The following COL6A5 variants were observed in gnomAD, a reference collection of about 807,000 sequenced individuals.
COL6A5 encodes the protein collagen alpha-5(VI) chain.
Under a neutral mutation model 65.6 loss-of-function variants are expected in COL6A5, and 48 were observed. The ratio of observed to expected loss-of-function variants is 0.73; its 90% confidence interval spans 0.58 to 0.93. The LOEUF is 0.93. COL6A5 is among the 40% of genes least tolerant of loss of function. COL6A5 has a pLI of 0.00. For missense variants in COL6A5, 914 were observed against 928.3 expected (o/e 0.98, Z 0.20); for synonymous variants, 291 against 322.8 (o/e 0.90, Z 1.05).
At chr3:130,409,454 C>A in intron 18 of COL6A5, 66 bp downstream of exon 18, 1 of 1,358,458 alleles carries the variant, frequency 7.4e-7, no homozygotes, top group South Asian at 1.4e-5. Flanking sequence ...TCTCCTTTCC[C>A]TTTGTGTTTC....
chr3:130,389,116 C>G (rs754846909), exon 6 of COL6A5: 1 of 1,437,378 alleles, frequency 7.0e-7, no homozygotes, highest in Admixed American at 2.8e-5. Context: ...ACTTATCTTT[C>G]GTGTGTGTGC....
rs149697263 is a variant in COL6A5 at position 130,352,513 on chromosome 3, A to G, written c.-29+6532A>G. On this transcript the variant is annotated intron_variant and NMD_transcript_variant, in intron 1 of 41. Coordinates refer to the COL6A5 transcript ENST00000312481. ...GATTTTAAAGCAGTTTACATAAATA[A>G]TTATATTTCAACCCCACAGTAACCT... Among the ~76,000 whole-genome samples the G allele has an allele frequency of 2.0e-5, 3 of 152,258 alleles. No homozygotes were observed. The East Asian group carries it at 5.8e-4, about 29-fold the overall frequency.
At chr3:130,421,004 A>C (rs1937507156) in intron 25 of COL6A5, 149 bp from the exon 26 acceptor site, 3 of 663,832 alleles carry the variant, frequency 4.5e-6, no homozygotes, top group Non-Finnish European at 7.9e-6. Context: ...ACACAGCAAC[A>C]CAATGTTCCC....
intron 1 of COL6A5, among the ~76,000 whole-genome samples, chr3:130,353,809 G>A (rs762572138): frequency 2.0e-5 from 3 of 151,690 alleles, no homozygotes; most frequent in Non-Finnish European, 4.4e-5. Context: ...AAGATGCACC[G>A]CCAATTTAAA....
intron 3 of COL6A5, among the ~76,000 whole-genome samples, chr3:130,377,751 G>A (rs1366057605): frequency 1.3e-5 from 2 of 152,098 alleles, no homozygotes; most frequent in East Asian, 3.9e-4. Context: ...TGTAAAGTGA[G>A]GATAATAGTG....
At chr3:130,375,299 T>G (rs977013241) in intron 2 of COL6A5, among the ~76,000 whole-genome samples, 1 of 152,182 alleles carries the variant, frequency 6.6e-6, no homozygotes, top group African/African-American at 2.4e-5. Flanking sequence ...GGGGATGGTC[T>G]GCAGCCAATG....
At chr3:130,416,553 CAT>C (rs1426767778) in intron 23 of COL6A5, among the ~76,000 whole-genome samples, 1 of 152,120 alleles carries the variant, frequency 6.6e-6, no homozygotes, top group Non-Finnish European at 1.5e-5. Flanking sequence ...CAGATTAAAA[CAT>C]GTGGTCCTCT....
upstream of COL6A5, among the ~76,000 whole-genome samples, chr3:130,427,979 G>A (rs1262617270): frequency 6.6e-6 from 1 of 152,028 alleles, no homozygotes; most frequent in Non-Finnish European, 1.5e-5. Context: ...TAGGAGAAAT[G>A]AATGTGGGAT....
intron 1 of COL6A5, among the ~76,000 whole-genome samples, chr3:130,361,189 T>C (rs142573573): frequency 6.6e-6 from 1 of 152,118 alleles, no homozygotes; most frequent in African/African-American, 2.4e-5. Context: ...GTATCCATTA[T>C]GATAGGATCA....
At chr3:130,456,548 A>G in intron 5 of COL6A5, among the ~76,000 whole-genome samples, 1 of 152,108 alleles carries the variant, frequency 6.6e-6, no homozygotes, top group East Asian at 1.9e-4. Flanking sequence ...ATTATTATGC[A>G]TTGCATGCCT....
intron 4 of COL6A5, among the ~76,000 whole-genome samples, chr3:130,450,487 C>T (rs1355884583): frequency 6.6e-6 from 1 of 152,148 alleles, no homozygotes; most frequent in Non-Finnish European, 1.5e-5. Context: ...TGGTGTCCTT[C>T]ATGGCCCGTG....
chr3:130,444,128 C>T (rs73214746), intron 4 of COL6A5, among the ~76,000 whole-genome samples: 131 of 152,250 alleles, frequency 8.6e-4, no homozygotes, highest in South Asian at 5.0e-3. Flanking sequence ...GTTTTCCACC[C>T]GGCTCACCAG....
intron 5 of COL6A5, among the ~76,000 whole-genome samples, chr3:130,459,666 G>A (rs1054340070): frequency 6.6e-6 from 1 of 151,828 alleles, no homozygotes; most frequent in African/African-American, 2.4e-5. Flanking sequence ...CACTAGACAG[G>A]CTCTCTACTT....
At chr3:130,427,594 C>A (rs1035196763), upstream of COL6A5, among the ~76,000 whole-genome samples, 1 of 152,052 alleles carries the variant, frequency 6.6e-6, no homozygotes, top group Non-Finnish European at 1.5e-5. Context: ...CTACATGAAA[C>A]GATCGACCCC....
At chr3:130,448,525 C>A (rs187703807) in intron 4 of COL6A5, among the ~76,000 whole-genome samples, 4 of 152,226 alleles carry the variant, frequency 2.6e-5, no homozygotes, top group Admixed American at 2.0e-4. Flanking sequence ...CATTGTTTAT[C>A]GACCACCATT....
At chr3:130,464,078 T>G (rs1709760585) in intron 5 of COL6A5, among the ~76,000 whole-genome samples, 1 of 152,096 alleles carries the variant, frequency 6.6e-6, no homozygotes, top group African/African-American at 2.4e-5. Flanking sequence ...AATATTTCAC[T>G]GACATGGTAA....
intron 18 of COL6A5, among the ~76,000 whole-genome samples, chr3:130,409,689 C>T (rs919779787): frequency 1.2e-4 from 19 of 152,064 alleles, no homozygotes; most frequent in East Asian, 9.7e-4. Context: ...GACTTAGTTA[C>T]GGGGGAATCT....
intron 5 of COL6A5, among the ~76,000 whole-genome samples, chr3:130,456,892 T>G (rs1191771434): frequency 6.6e-6 from 1 of 152,082 alleles, no homozygotes; most frequent in Admixed American, 6.6e-5. Context: ...TACTCGAACC[T>G]TATCTTTAAA....
At chr3:130,444,892 A>G (rs1709271826) in intron 4 of COL6A5, among the ~76,000 whole-genome samples, 3 of 152,318 alleles carry the variant, frequency 2.0e-5, no homozygotes, top group South Asian at 4.1e-4. Context: ...TCCTTTGACC[A>G]TTTCCCATGA....
Sources: allele counts gnomAD v4.1 joint callset (sites outside exome capture counted in the v4.1 genomes callset), GRCh38; gene constraint gnomAD v4.1.1; transcripts MANE v1.5; gene names NCBI Gene and HGNC (gene_info 2026-07-23, HGNC 2026-07-21).